The following SHOX2 variants were observed in gnomAD, a reference collection of about 807,000 sequenced individuals.
SHOX2 encodes SHOX homeobox 2.
Under a neutral mutation model 31.3 loss-of-function variants are expected in SHOX2, and 13 were observed. That is an observed-to-expected ratio of 0.42 (90% CI 0.27 to 0.66). SHOX2 has a LOEUF of 0.66. Among genes scored for constraint, SHOX2 ranks in the 30% least tolerant of loss-of-function variants. The pLI is 0.27. For synonymous variants in SHOX2, 244 were observed against 196.2 expected, an observed-to-expected ratio of 1.24 and a Z score of -2.04; for missense variants, 473 against 443.0, an observed-to-expected ratio of 1.07 and a Z score of -0.61.
Position 158,106,090 on chromosome 3 carries a change from CTTT to C in SHOX2, c.-69_-67del. ...GAGCCCCGCTCTTTTTTTCCTTCTT[CTTT>C]TTTTACTGCTCCAGCCCCCCCAATA... On this transcript the variant is annotated 5_prime_UTR_variant, in exon 1 of 5. Transcript: ENST00000483851. 1.3e-6 allele frequency: 2 copies of C among 1,596,982 alleles called. No homozygotes were observed. Among genetic ancestry groups the C allele is most frequent in the Non-Finnish European group, 1.7e-6 (2 of 1,171,666 alleles).
Position 158,098,168 on chromosome 3 carries a change from C to G in SHOX2, c.819G>C (p.Pro273=), listed in dbSNP as rs1448625949. Residue 273 remains proline, a synonymous_variant, in exon 5 of 5, where the codon CCG becomes CCC. Coordinates refer to ENST00000483851, the MANE Select transcript of SHOX2 (RefSeq NM_001163678.2). ...MMFPAPPFGL[P]LATLAADSAS... is the part of the protein sequence containing the mutation. ...CCGAATCCGCGGCCAGCGTGGCGAGCGGCAGTCCGAAGGGCGGTGCTGGGA... is the reference window on the plus strand; with the variant it reads ...CCGAATCCGCGGCCAGCGTGGCGAGGGGCAGTCCGAAGGGCGGTGCTGGGA... 1.9e-6 allele frequency: 3 copies of G among 1,613,286 alleles called. No homozygotes were observed. In the African/African-American group the frequency reaches 4.0e-5, roughly 22 times the overall value.
rs894665443 is a variant in SHOX2, at chr3:158,105,050, C to A, written c.346+629G>T. The A allele has an allele frequency of 1.5e-5, 9 of 611,882 alleles. No homozygotes were observed. The African/African-American group carries it at 1.8e-4, about 12-fold the overall frequency. 37.9% of individuals were successfully genotyped at this position (611,882 alleles called of 1,614,324 possible). ...CCCCGCCGCCCCCCCCCCCCGCCCC[C>A]AACACACCAAGAAACCGAAACGCCT... On this transcript the variant is annotated intron_variant, in intron 1 of 4. Coordinates refer to ENST00000483851, the MANE Select transcript of SHOX2 (RefSeq NM_001163678.2).
At chr3:158,105,168 A>C in intron 1 of SHOX2, 7 of 1,233,212 alleles carry the variant, frequency 5.7e-6, no homozygotes, top group Non-Finnish European at 8.1e-6. Flanking sequence ...CTAAGATCCA[A>C]AGATTCAGGG....
rs367740637 is a variant in SHOX2, at chr3:158,099,911, A to G, written c.651T>C (p.Cys217=). The G allele has an allele frequency of 3.8e-5, 61 of 1,614,040 alleles. No individual in the cohort carries two copies. Among genetic ancestry groups the G allele is most frequent in the Non-Finnish European group, 4.7e-5 (55 of 1,180,036 alleles). ...LIGAASQFEA[C]RVAPYVNVGA... is the part of the protein sequence containing the mutation. ...CTACGTTGACATAAGGTGCGACTCT[A>G]CAAGCTTCAAACTGGCTGGCGGCCC... The change falls in exon 4 of 5, where the codon TGT becomes TGC. Residue 217 remains cysteine, a synonymous_variant. Transcript: ENST00000483851.
rs1451742233 is a variant in SHOX2, at chr3:158,097,712, T to C, written c.*315A>G. ...GTTGCAGCTTTGCGGTGAGCCAAAC[T>C]CCGCGGTTCCAGCACTCCCCTGTCC... is the stretch of plus-strand genomic sequence containing the variant. On this transcript the variant is annotated 3_prime_UTR_variant, in exon 5 of 5. Coordinates refer to ENST00000483851, the MANE Select transcript of SHOX2 (RefSeq NM_001163678.2). The C allele has an allele frequency of 2.2e-5, 7 of 320,414 alleles. No individual in the cohort carries two copies. Among genetic ancestry groups the C allele is most frequent in the Non-Finnish European group, 3.4e-5 (6 of 175,672 alleles). 19.8% of individuals were successfully genotyped at this position (320,414 alleles called of 1,614,324 possible).
rs1331230458 is a variant in SHOX2 at position 158,096,835 on chromosome 3, A to AT, written c.*1191dup. 1 of 127,712 alleles carries AT rather than the reference A, an allele frequency of 7.8e-6. No individual in the cohort carries two copies. Among genetic ancestry groups the AT allele is most frequent in the Non-Finnish European group, 1.6e-5 (1 of 62,192 alleles). 7.9% of individuals were successfully genotyped at this position (127,712 alleles called of 1,614,324 possible). A position where few individuals can be genotyped will look rare whatever the true frequency, so the allele number is the denominator to read the frequency against. On this transcript the variant is annotated 3_prime_UTR_variant, in exon 5 of 5. Transcript: ENST00000483851. ...CTGTCTTCTTAGGACAATGAGTGTA[A>AT]TTTTTTCCCTTTCTGACTTTTTTCT...
chr3:158,105,391 G>A (rs1332580984), intron 1 of SHOX2: 3 of 590,660 alleles, frequency 5.1e-6, no homozygotes, highest in Admixed American at 3.0e-5. Flanking sequence ...CCATCCTCCC[G>A]CTGGTGAAAA....
At position 158,096,889 on chromosome 3, in the gene SHOX2, A is replaced by AATAT. The variant is rs769658802; in HGVS notation, c.*1134_*1137dup. 1,684 of 22,714 alleles carry AATAT rather than the reference A, an allele frequency of 0.074. 167 individuals carry two copies. Among genetic ancestry groups the AATAT allele is most frequent in the Middle Eastern group, 0.12 (4 of 34 alleles). 1.4% of individuals were successfully genotyped at this position (22,714 alleles called of 1,614,324 possible). ...GTTCCCCAGGATCAAAGACAGGGCA[A>AATAT]ATATATATATATATATATATATATA... is the stretch of plus-strand genomic sequence containing the variant. On this transcript the variant is annotated 3_prime_UTR_variant, in exon 5 of 5. Transcript: ENST00000483851.
In SHOX2 at chr3:158,097,943, G is replaced by A. The variant is rs912201982; in HGVS notation, c.*84C>T. ...GAGGGCCGGCTCCCGAGGTCTCAAA[G>A]GGGTAACGGAGAAGCAGCGGGGCGC... On this transcript the variant is annotated 3_prime_UTR_variant, in exon 5 of 5. Transcript: ENST00000483851. The A allele has an allele frequency of 2.0e-6, 3 of 1,502,184 alleles. No individual in the cohort carries two copies. The highest frequency in any genetic ancestry group is 2.7e-6 in the Non-Finnish European group (3 of 1,121,690). The allele number at this position is 1,502,184 out of a possible 1,614,324, so 93.1% of individuals were successfully genotyped here.
At position 158,105,874 on chromosome 3, in the gene SHOX2, G is replaced by A. The variant is rs1049152900; in HGVS notation, c.151C>T (p.Arg51Cys). ...GCCGCCCGGACTGCCGGGCTGCTGC[G>A]GTCGTCGCGGCCCGCCTCGGTGCAG... ...TGCTEAGRDD[R>C]SSPAVRAAGG... is the part of the protein sequence containing the mutation. Residue 51 changes from arginine (R) to cysteine (C), a missense_variant, in exon 1 of 5, where the codon CGC becomes TGC. Physicochemically the swap from Arg to Cys is radical, Grantham distance 180 (BLOSUM62 -3). Transcript: ENST00000483851. The A allele has an allele frequency of 5.9e-6, 9 of 1,523,862 alleles. No individual in the cohort carries two copies. The highest frequency in any genetic ancestry group is 7.9e-6 in the Non-Finnish European group (9 of 1,141,560). The allele number at this position is 1,523,862 out of a possible 1,614,324, so 94.4% of individuals were successfully genotyped here.
intron 4 of SHOX2, 102 bp downstream of exon 4, chr3:158,099,758 G>T: frequency 2.4e-6 from 2 of 844,164 alleles, no homozygotes. Context: ...CAACTATGCA[G>T]ACATTGACAT....
chr3:158,102,597 C>G (rs561116757), intron 2 of SHOX2, 81 bp downstream of exon 2: 2 of 1,131,544 alleles, frequency 1.8e-6, no homozygotes, highest in East Asian at 4.7e-5. Flanking sequence ...AGCACCACCT[C>G]CCGAGTGTGT....
intron 1 of SHOX2, 28 bp downstream of exon 1, chr3:158,105,651 C>A: frequency 2.0e-6 from 3 of 1,511,492 alleles, no homozygotes; most frequent in Non-Finnish European, 2.6e-6. Context: ...GAAGGGGAAC[C>A]GCTGCCGGGG....
intron 1 of SHOX2, among the ~76,000 whole-genome samples, chr3:158,104,305 T>C (rs971545581): frequency 1.6e-4 from 24 of 152,254 alleles, no homozygotes; most frequent in African/African-American, 5.8e-4. Context: ...CTGGGCACCT[T>C]GACGGTAACT....
intron 4 of SHOX2, 86 bp downstream of exon 4, chr3:158,099,774 C>A (rs1404851980): frequency 1.0e-6 from 1 of 979,632 alleles, no homozygotes; most frequent in Non-Finnish European, 1.6e-6. Context: ...GACATCTGGG[C>A]TCAGAGACAG....
Position 158,099,943 on chromosome 3 carries a change from G to A in SHOX2, c.619C>T (p.Leu207Phe). The A allele has an allele frequency of 2.5e-6, 4 of 1,613,758 alleles. No individual in the cohort carries two copies. The highest frequency in any genetic ancestry group is 3.4e-6 in the Non-Finnish European group (4 of 1,179,676). ...TCAAACTGGCTGGCGGCCCCTATGA[G>A]AACACCTGTAAAAAGTACAAGAGAA... ...KQENQLHKGV[L>F]IGAASQFEAC... is the part of the protein sequence containing the mutation. Residue 207 changes from leucine to phenylalanine, a missense_variant, in exon 4 of 5, where the codon CTC becomes TTC. Physicochemically the swap from Leu to Phe is conservative, Grantham distance 22 (BLOSUM62 0). Transcript: ENST00000483851.
In SHOX2 at chr3:158,105,845, G is replaced by A; in HGVS notation, c.180C>T (p.Gly60=). The change falls in exon 1 of 5, where the codon GGC becomes GGT. Residue 60 remains glycine (G), a synonymous_variant. Coordinates refer to ENST00000483851, the MANE Select transcript of SHOX2 (RefSeq NM_001163678.2). ...CTCCGCCTCCTCCGCCGCCGCCTCC[G>A]CCGGCCGCCCGGACTGCCGGGCTGC... is the stretch of plus-strand genomic sequence containing the variant. The part of the protein sequence containing the change: ...DRSSPAVRAA[G]GGGGGGGGGG... 7.0e-7 allele frequency: 1 copy of A among 1,436,464 alleles called. No individual in the cohort carries two copies. The highest frequency in any genetic ancestry group is 9.1e-7 in the Non-Finnish European group (1 of 1,099,776). The allele number at this position is 1,436,464 out of a possible 1,614,324, so 89.0% of individuals were successfully genotyped here.
chr3:158,105,930 C>T lies in SHOX2; in HGVS notation c.95G>A (p.Gly32Glu). 1 of 1,607,644 alleles carries T rather than the reference C, an allele frequency of 6.2e-7. No homozygotes were observed. The highest frequency in any genetic ancestry group is 8.5e-7 in the Non-Finnish European group (1 of 1,177,386). The change falls in exon 1 of 5, where the codon GGG becomes GAG. Residue 32 changes from glycine to glutamate, a missense_variant. This residue lies in a region of SHOX2 where 276 missense variants were observed against 230.0 expected (regional missense o/e 1.20). Transcript: ENST00000483851. ...AITYREVLES[G>E]PLRGAKEPTG... ...CGGCTCCTTGGCCCCGCGCAGCGGC[C>T]CGCTCTCCAGCACCTCCCGGTACGT...
In SHOX2 at chr3:158,097,688, T is replaced by C; in HGVS notation, c.*339A>G. 7.5e-6 allele frequency: 2 copies of C among 268,178 alleles called. No homozygotes were observed. Among genetic ancestry groups the C allele is most frequent in the Non-Finnish European group, 1.4e-5 (2 of 143,546 alleles). The allele number at this position is 268,178 out of a possible 1,614,324, so 16.6% of individuals were successfully genotyped here. Reference sequence around the variant, plus strand: ...TTTTTTTCTATGCAAGAGTCCATCGTTGCAGCTTTGCGGTGAGCCAAACTC... The same window carrying C: ...TTTTTTTCTATGCAAGAGTCCATCGCTGCAGCTTTGCGGTGAGCCAAACTC... On this transcript the variant is annotated 3_prime_UTR_variant, in exon 5 of 5. Coordinates refer to ENST00000483851, the MANE Select transcript of SHOX2 (RefSeq NM_001163678.2).
Sources: gnomAD v4.1 joint callset for allele counts (sites outside exome capture counted in the v4.1 genomes callset) on GRCh38, gnomAD v4.1.1 for gene constraint, gnomAD v4.1.1 regional missense constraint, MANE v1.5 for transcripts, NCBI Gene and HGNC (gene_info 2026-07-23, HGNC 2026-07-21) for gene names.